The following MYO5C variants were observed in gnomAD, a reference collection of about 807,000 sequenced individuals.
The protein encoded by MYO5C is myosin VC, also known as unconventional myosin-Vc.
MYO5C carries 194 observed loss-of-function variants against 235.7 expected under a neutral mutation model. That is an observed-to-expected ratio of 0.82 (90% CI 0.73 to 0.93). The LOEUF (loss-of-function observed/expected upper bound fraction) is 0.93, where lower values mean the gene tolerates loss of function less well. Ranked by LOEUF, MYO5C falls within the 40% of genes least tolerant of loss-of-function variation. MYO5C has a pLI of 0.00. For missense variants in MYO5C, 2,038 were observed against 2,127.2 expected, an observed-to-expected ratio of 0.96 and a Z score of 0.82; for synonymous variants, 707 against 754.8, an observed-to-expected ratio of 0.94 and a Z score of 1.04.
At chr15:52,237,450 T>G in intron 22 of MYO5C, 32 bp downstream of exon 22, 1 of 1,605,394 alleles carries the variant, frequency 6.2e-7, no homozygotes, top group Non-Finnish European at 8.5e-7. Context: ...AGTCCGCATA[T>G]TTCCATCCCG....
At chr15:52,214,740 AT>A (rs34638854) in intron 32 of MYO5C, 50 bp from the exon 33 acceptor site, 77,473 of 954,606 alleles carry the variant, frequency 0.081, 2 homozygotes, top group Non-Finnish European at 0.091. Flanking sequence ...ACTTTAATCT[AT>A]TTTTTTTTTT....
At chr15:52,265,035 T>G (rs1358816542) in intron 8 of MYO5C, among the ~76,000 whole-genome samples, 2 of 152,148 alleles carry the variant, frequency 1.3e-5, no homozygotes, top group African/African-American at 4.8e-5. Flanking sequence ...CCACTGCCCC[T>G]TGTATTAATA....
intron 7 of MYO5C, 28 bp downstream of exon 7, chr15:52,271,735 A>C (rs752213260): frequency 1.5e-6 from 2 of 1,325,254 alleles, no homozygotes; most frequent in Admixed American, 2.2e-5. Flanking sequence ...TAAAAGAGAG[A>C]CCCTTTCATA....
intron 33 of MYO5C, chr15:52,213,564 G>T: frequency 4.0e-6 from 1 of 250,756 alleles, no homozygotes; most frequent in Middle Eastern, 1.3e-3. Flanking sequence ...ATGGTAACAG[G>T]AAAGAAATCC....
rs529378275 is a variant in MYO5C, at chr15:52,259,685, T to C, written c.1313+1177A>G. On this transcript the variant is annotated intron_variant, in intron 10 of 40. Transcript: ENST00000261839. ...GGCTATCCCAGTAATGTATTAAGCA[T>C]TTTATAACTGTTGACACGTACTATT... Among the ~76,000 whole-genome samples, 278 of 152,354 alleles carry C rather than the reference T, an allele frequency of 1.8e-3. 1 individual carries two copies. The highest frequency in any genetic ancestry group is 6.4e-3 in the African/African-American group (267 of 41,586).
chr15:52,205,480 A>G (rs1350911943), intron 37 of MYO5C: 4 of 347,982 alleles, frequency 1.1e-5, no homozygotes, highest in Non-Finnish European at 2.1e-5. Context: ...AATTAAGGAA[A>G]GTATACAAGA....
intron 40 of MYO5C, among the ~76,000 whole-genome samples, chr15:52,194,946 C>G (rs1201571390): frequency 1.3e-5 from 2 of 152,074 alleles, no homozygotes; most frequent in Non-Finnish European, 2.9e-5. Flanking sequence ...GAAAGTGTCT[C>G]AAGGACTCCC....
chr15:52,255,224 G>T (rs1361807055), intron 11 of MYO5C, among the ~76,000 whole-genome samples: 7 of 152,204 alleles, frequency 4.6e-5, no homozygotes, highest in Non-Finnish European at 7.3e-5. Context: ...GGTCCCAGAG[G>T]GAGGTGGTAG....
intron 29 of MYO5C, 101 bp from the exon 30 acceptor site, chr15:52,221,356 A>G: frequency 1.2e-6 from 1 of 801,898 alleles, no homozygotes; most frequent in Non-Finnish European, 1.9e-6. Context: ...CAGCCTGCAG[A>G]ACAGATAGCT....
Position 52,214,700 on chromosome 15 carries a change from TA to T in MYO5C, c.3955-11del. On this transcript the variant is annotated splice_polypyrimidine_tract_variant and intron_variant, in intron 32 of 40. Transcript: ENST00000261839. Reference sequence around the variant, plus strand: ...ATTCTTCTTCAAGATCCTACAGCAATAAAAAGAAACCAGGATTTAGCTTAGA... The same window carrying T: ...ATTCTTCTTCAAGATCCTACAGCAATAAAAGAAACCAGGATTTAGCTTAGA... 1 of 1,564,574 alleles carries T rather than the reference TA, an allele frequency of 6.4e-7. No homozygotes were observed. The highest frequency in any genetic ancestry group is 8.7e-7 in the Non-Finnish European group (1 of 1,155,980).
At position 52,242,059 on chromosome 15, in the gene MYO5C, T is replaced by C. The variant is rs780857958; in HGVS notation, c.2545A>G (p.Arg849Gly). The C allele has an allele frequency of 6.2e-7, 1 of 1,611,700 alleles. No individual in the cohort carries two copies. The highest frequency in any genetic ancestry group is 1.1e-5 in the South Asian group (1 of 90,744). ...AYSRGFLARR[R>G]YRKMLEEHKA... ...GAGGTTGGCCTCACCTTTCGATACC[T>C]CCTCCTTGCCAGGAATCCTCGGCTG... Residue 849 changes from arginine (R) to glycine (G), a missense_variant, in exon 20 of 41, where the codon AGG becomes GGG. Coordinates refer to ENST00000261839, the MANE Select transcript of MYO5C (RefSeq NM_018728.4).
At chr15:52,251,541 G>A (rs2036473573) in intron 12 of MYO5C, 26 bp from the exon 13 acceptor site, 2 of 1,573,286 alleles carry the variant, frequency 1.3e-6, no homozygotes, top group East Asian at 4.6e-5. Context: ...AAACCAAATA[G>A]CAAGTAAGAA....
chr15:52,266,988 G>A (rs2036827469), intron 8 of MYO5C, among the ~76,000 whole-genome samples: 2 of 152,226 alleles, frequency 1.3e-5, no homozygotes, highest in Non-Finnish European at 2.9e-5. Context: ...AGAGGGCTTT[G>A]TCTAAAACTT....
chr15:52,269,340 T>C (rs979679757), intron 8 of MYO5C, among the ~76,000 whole-genome samples: 1 of 152,144 alleles, frequency 6.6e-6, no homozygotes, highest in Non-Finnish European at 1.5e-5. Context: ...TTAGAATTGA[T>C]TAGGAGCCTT....
At chr15:52,194,834 C>T (rs117325605) in intron 40 of MYO5C, among the ~76,000 whole-genome samples, 78 of 151,876 alleles carry the variant, frequency 5.1e-4, no homozygotes, top group Admixed American at 1.0e-3. Context: ...TTGAAGTACA[C>T]GAAGAAAATC....
chr15:52,236,729 T>C (rs536723641), intron 22 of MYO5C: 1 of 152,246 alleles, frequency 6.6e-6, no homozygotes, highest in East Asian at 1.9e-4. Flanking sequence ...AAAGATCACC[T>C]TCTTAGAACA....
rs2035445932 is a variant in MYO5C at position 52,211,790 on chromosome 15, A to G, written c.4236T>C (p.Asp1412=). 1 of 1,614,208 alleles carries G rather than the reference A, an allele frequency of 6.2e-7. No homozygotes were observed. The highest frequency in any genetic ancestry group is 1.3e-5 in the African/African-American group (1 of 75,058). ...TCATGAGGGACTTCAGCATGTTGGC[A>G]TCATTCAGAGAGTCTGCGTAGCGCA... ...MCVRYADSLN[D]ANMLKSLMNS... Residue 1412 remains aspartate (D), a synonymous_variant, in exon 35 of 41, where the codon GAT becomes GAC. Coordinates refer to ENST00000261839, the MANE Select transcript of MYO5C (RefSeq NM_018728.4).
At chr15:52,203,734 C>A (rs925020982) in intron 38 of MYO5C, among the ~76,000 whole-genome samples, 3 of 152,162 alleles carry the variant, frequency 2.0e-5, no homozygotes, top group Non-Finnish European at 2.9e-5. Flanking sequence ...TTCATTCTTT[C>A]TCTCTTTTTT....
intron 31 of MYO5C, among the ~76,000 whole-genome samples, chr15:52,219,455 T>C (rs564600707): frequency 8.5e-5 from 13 of 152,328 alleles, no homozygotes; most frequent in Admixed American, 7.8e-4. Flanking sequence ...GGTACAAAAG[T>C]GTACGCATAC....
Sources: allele counts gnomAD v4.1 joint callset (sites outside exome capture counted in the v4.1 genomes callset), GRCh38; gene constraint gnomAD v4.1.1; transcripts MANE v1.5; gene names NCBI Gene and HGNC (gene_info 2026-07-23, HGNC 2026-07-21).